Variants in NAV1 observed in about 807,000 individuals in gnomAD.
NAV1 encodes pore membrane and/or filament interacting like protein 3.
A neutral mutation model predicts 175.2 loss-of-function variants in NAV1; 18 were observed. The observed-to-expected ratio is 0.10, with a 90% CI of 0.07 to 0.15. The LOEUF is 0.15. Among genes scored for constraint, NAV1 ranks in the 10% least tolerant of loss-of-function variants. The pLI is 1.00. For synonymous variants in NAV1, 897 were observed against 978.7 expected (o/e 0.92, Z 1.56); for missense variants, 1,731 against 2,436.6 (o/e 0.71, Z 6.10).
At chr1:201,609,413 T>G (rs1571844477) in intron 2 of NAV1, among the ~76,000 whole-genome samples, 1 of 152,232 alleles carries the variant, frequency 6.6e-6, no homozygotes, top group East Asian at 1.9e-4. Flanking sequence ...GCCTCTGGGC[T>G]GGAGGGCTTT....
At chr1:201,547,241 G>A (rs1310720445) in intron 1 of NAV1, among the ~76,000 whole-genome samples, 6 of 151,962 alleles carry the variant, frequency 3.9e-5, no homozygotes, top group Non-Finnish European at 7.4e-5. Context: ...CGCCCACCTC[G>A]GCCTCCCAAA....
chr1:201,720,459 A>T (rs1672336352), intron 3 of NAV1, among the ~76,000 whole-genome samples: 1 of 152,202 alleles, frequency 6.6e-6, no homozygotes, highest in Non-Finnish European at 1.5e-5. Flanking sequence ...AAACTGATGG[A>T]AACGAGATCC....
intron 2 of NAV1, among the ~76,000 whole-genome samples, chr1:201,615,327 C>T (rs542612812): frequency 1.3e-5 from 2 of 151,012 alleles, no homozygotes; most frequent in African/African-American, 4.9e-5. Flanking sequence ...TGCAGTAGCG[C>T]GATCTCAGCT....
At chr1:201,707,284 G>A (rs186157697) in intron 1 of NAV1, among the ~76,000 whole-genome samples, 267 of 152,282 alleles carry the variant, frequency 1.8e-3, no homozygotes, top group African/African-American at 6.2e-3. Context: ...GTGCCAGCCC[G>A]AGGGTGCACC....
At chr1:201,603,524 C>T (rs1445915363) in intron 2 of NAV1, among the ~76,000 whole-genome samples, 2 of 152,122 alleles carry the variant, frequency 1.3e-5, no homozygotes, top group Non-Finnish European at 2.9e-5. Flanking sequence ...GGAGGATGTC[C>T]CTTTGCTTTG....
At chr1:201,631,920 G>A (rs1026110637) in intron 2 of NAV1, among the ~76,000 whole-genome samples, 6 of 152,080 alleles carry the variant, frequency 3.9e-5, no homozygotes, top group South Asian at 2.1e-4. Context: ...AGTGCCTGGC[G>A]GTCAGGGTTT....
Position 201,753,765 on chromosome 1 carries a change from G to A in NAV1, c.1227-26656G>A, listed in dbSNP as rs137856425. 3.4e-3 allele frequency among the ~76,000 whole-genome samples: 511 copies of A among 152,304 alleles called. 5 individuals carry two copies. The highest frequency in any genetic ancestry group is 0.012 in the African/African-American group (485 of 41,562). On this transcript the variant is annotated intron_variant, in intron 3 of 29. Transcript: ENST00000367296. ...TGTGCTAGGCAAACTCCACATAGGA[G>A]CACATTCCAGAAACACACTGGGGGT...
intron 1 of NAV1, among the ~76,000 whole-genome samples, chr1:201,700,034 A>G (rs1671349572): frequency 6.6e-6 from 1 of 152,224 alleles, no homozygotes; most frequent in Admixed American, 6.5e-5. Flanking sequence ...GGCATGGGCA[A>G]GAACTTCATG....
intron 29 of NAV1, among the ~76,000 whole-genome samples, chr1:201,818,709 G>A (rs1679214565): frequency 6.6e-6 from 1 of 152,172 alleles, no homozygotes; most frequent in Non-Finnish European, 1.5e-5. Flanking sequence ...TACTCCGCTG[G>A]TGGGAGTGGT....
At chr1:201,563,141 A>G (rs745745725) in intron 1 of NAV1, among the ~76,000 whole-genome samples, 1 of 152,158 alleles carries the variant, frequency 6.6e-6, no homozygotes, top group Non-Finnish European at 1.5e-5. Context: ...AGGTGACCGG[A>G]TCGTCAGAGG....
intron 1 of NAV1, among the ~76,000 whole-genome samples, chr1:201,563,077 C>A (rs1357853790): frequency 6.6e-6 from 1 of 152,130 alleles, no homozygotes; most frequent in Non-Finnish European, 1.5e-5. Context: ...AATATCCTGG[C>A]CTTTTGTCAA....
At chr1:201,623,700 G>C in intron 1 of NAV1, 94 bp downstream of exon 3, 1 of 980,862 alleles carries the variant, frequency 1.0e-6, no homozygotes, top group Non-Finnish European at 1.2e-6. Flanking sequence ...GTGATCAGTG[G>C]CTGGTAAAGA....
chr1:201,785,073 A>G (rs530673898), intron 7 of NAV1, among the ~76,000 whole-genome samples: 464 of 152,302 alleles, frequency 3.0e-3, no homozygotes, highest in Non-Finnish European at 5.8e-3. Flanking sequence ...CGGCCTAACC[A>G]TGACTTAATT....
Position 201,717,695 on chromosome 1 carries a change from G to A in NAV1, c.861-695G>A, listed in dbSNP as rs544883386. Among the ~76,000 whole-genome samples the A allele has an allele frequency of 2.6e-5, 4 of 152,326 alleles. No individual in the cohort carries two copies. The South Asian group carries it at 8.3e-4, about 32-fold the overall frequency. ...TAAGGCTGCTTCTATTCTCTGGGGA[G>A]GCTTATTTCCCCTGCTGCCCTAGGC... On this transcript the variant is annotated intron_variant, in intron 2 of 29. Transcript: ENST00000367296.
At chr1:201,586,098 A>G (rs1243950099) in intron 1 of NAV1, among the ~76,000 whole-genome samples, 1 of 152,214 alleles carries the variant, frequency 6.6e-6, no homozygotes, top group Non-Finnish European at 1.5e-5. Flanking sequence ...TAGATAAACA[A>G]AATGTGGTAT....
At chr1:201,640,640 G>A (rs112905067) in intron 2 of NAV1, among the ~76,000 whole-genome samples, 5 of 152,344 alleles carry the variant, frequency 3.3e-5, no homozygotes, top group Admixed American at 6.5e-5. Context: ...AAAGGAGCAA[G>A]GCAAGGGTCT....
chr1:201,572,747 C>G (rs1486078888), intron 1 of NAV1, among the ~76,000 whole-genome samples: 2 of 152,158 alleles, frequency 1.3e-5, no homozygotes, highest in Non-Finnish European at 2.9e-5. Flanking sequence ...ACCAGCAAGT[C>G]ATCACAAGAC....
chr1:201,664,884 GA>G (rs1214336425), intron 1 of NAV1, among the ~76,000 whole-genome samples: 1 of 152,150 alleles, frequency 6.6e-6, no homozygotes, highest in Non-Finnish European at 1.5e-5. Context: ...GCCATCTCTA[GA>G]AAGCCCCCAT....
At chr1:201,604,745 A>G (rs1667627653) in intron 2 of NAV1, among the ~76,000 whole-genome samples, 1 of 150,846 alleles carries the variant, frequency 6.6e-6, no homozygotes, top group South Asian at 2.1e-4. Flanking sequence ...AAAGAAAGAA[A>G]GAGAGAGAGA....
Sources: gnomAD v4.1 joint callset for allele counts (sites outside exome capture counted in the v4.1 genomes callset) on GRCh38, gnomAD v4.1.1 for gene constraint, MANE v1.5 for transcripts, NCBI Gene and HGNC (gene_info 2026-07-23, HGNC 2026-07-21) for gene names.